PYHIN1: variants seen among roughly 807,000 people sequenced by gnomAD.
The protein encoded by PYHIN1 is pyrin and HIN domain family member 1, also known as pyrin and HIN domain-containing protein 1.
In PYHIN1, 32 loss-of-function variants were observed where a neutral mutation model predicts 43.7. The ratio of observed to expected loss-of-function variants is 0.73; its 90% CI spans 0.55 to 0.98. The LOEUF (loss-of-function observed/expected upper bound fraction) is 0.98, where lower values mean the gene tolerates loss of function less well. PYHIN1 is among the 50% of genes least tolerant of loss of function. The pLI, the probability that PYHIN1 is intolerant of heterozygous loss-of-function variation, is 0.00. For synonymous variants in PYHIN1, 205 were observed against 203.1 expected (o/e 1.01, Z -0.08); for missense variants, 588 against 589.5 (o/e 1.00, Z 0.03).
chr1:158,937,286 T>G (rs576598147), intron 2 of PYHIN1, 111 bp downstream of exon 2: 23 of 1,198,582 alleles, frequency 1.9e-5, no homozygotes, highest in African/African-American at 1.8e-4. Flanking sequence ...AATTTGTGAC[T>G]CACTGGCCAT....
intron 7 of PYHIN1, among the ~76,000 whole-genome samples, chr1:158,969,325 T>C (rs1160598415): frequency 1.3e-5 from 2 of 151,978 alleles, no homozygotes; most frequent in African/African-American, 2.4e-5. Flanking sequence ...TTAAGGCCTA[T>C]GAATCAGATG....
At position 158,976,915 on chromosome 1, in the gene PYHIN1, T is replaced by TATATATAC. The variant is rs1289638954; in HGVS notation, c.*221_*222insTATATACA. 14 of 214,996 alleles carry TATATATAC rather than the reference T, an allele frequency of 6.5e-5. No individual in the cohort carries two copies. Among genetic ancestry groups the TATATATAC allele is most frequent in the African/African-American group, 3.9e-4 (14 of 35,496 alleles). The allele number at this position is 214,996 out of a possible 1,614,324, so 13.3% of individuals were successfully genotyped here. A position where few individuals can be genotyped will look rare whatever the true frequency, so the allele number is the denominator to read the frequency against. On this transcript the variant is annotated 3_prime_UTR_variant, in exon 9 of 9. Transcript: ENST00000368140. ...ATATATATATATATATATATATATA[T>TATATATAC]ACCAGCTATTAATTCTAGGAAATGG...
chr1:158,937,322 A>G, intron 2 of PYHIN1, 147 bp downstream of exon 2: 4 of 816,980 alleles, frequency 4.9e-6, no homozygotes, highest in Non-Finnish European at 7.5e-6. Flanking sequence ...TCAGATGCCA[A>G]CAAGTTGACA....
chr1:158,957,857 C>T (rs1407525958), intron 7 of PYHIN1, among the ~76,000 whole-genome samples: 2 of 149,542 alleles, frequency 1.3e-5, no homozygotes, highest in African/African-American at 4.9e-5. Flanking sequence ...ACCTACTCAT[C>T]TGACAAAGGG....
At chr1:158,950,775 G>A (rs190247629) in intron 7 of PYHIN1, among the ~76,000 whole-genome samples, 8 of 152,108 alleles carry the variant, frequency 5.3e-5, no homozygotes, top group African/African-American at 1.2e-4. Flanking sequence ...GAGTCGGCAC[G>A]TTCTACCATG....
chr1:158,959,996 A>G (rs764882642), intron 7 of PYHIN1, among the ~76,000 whole-genome samples: 6 of 152,144 alleles, frequency 3.9e-5, no homozygotes, highest in Non-Finnish European at 5.9e-5. Context: ...TTAAATCACT[A>G]TTTTTACATT....
chr1:158,984,028 G>GTTT, the PYHIN1 span, among the ~76,000 whole-genome samples: 1,275 of 111,158 alleles, frequency 0.011, 36 homozygotes, highest in African/African-American at 0.032. Context: ...ATCTTCTCCT[G>GTTT]TTTTTTTTTT....
chr1:158,971,797 G>A (rs1397060793), intron 7 of PYHIN1, among the ~76,000 whole-genome samples: 1 of 151,890 alleles, frequency 6.6e-6, no homozygotes, highest in Non-Finnish European at 1.5e-5. Flanking sequence ...TAGCCTAGAT[G>A]AGTTTTCACC....
rs1649086255 is a variant in PYHIN1, at chr1:158,944,129, G to C, written c.1191+151G>C. 1.1e-5 allele frequency: 5 copies of C among 451,180 alleles called. No homozygotes were observed. In the East Asian group the frequency reaches 1.6e-4, roughly 15 times the overall value. 27.9% of individuals were successfully genotyped at this position (451,180 alleles called of 1,614,324 possible). ...GCCCTTGCGCTTACATTTAAATAGA[G>C]AAAATTATTAAAATATATTAAGAGA... On this transcript the variant is annotated intron_variant, in intron 6 of 8. Transcript: ENST00000368140.
chr1:158,978,924 T>C (rs185063804), downstream of PYHIN1, among the ~76,000 whole-genome samples: 131 of 152,278 alleles, frequency 8.6e-4, no homozygotes, highest in Non-Finnish European at 1.5e-3. Flanking sequence ...CTTTGAAATG[T>C]GTGAACCAAA....
the PYHIN1 span, among the ~76,000 whole-genome samples, chr1:158,989,239 T>C: frequency 0.041 from 6,255 of 152,194 alleles, 348 homozygotes; most frequent in East Asian, 0.26. Context: ...TGATATTTAG[T>C]TGAGATTTTG....
In PYHIN1 at chr1:158,976,690, T is replaced by C; in HGVS notation, c.*6-11T>C. Reference sequence around the variant, plus strand: ...CTCAACGGGTTTATTTTTATCTCTTTATGCTTCAAGGTCACCAAGGACAAG... The same window carrying C: ...CTCAACGGGTTTATTTTTATCTCTTCATGCTTCAAGGTCACCAAGGACAAG... On this transcript the variant is annotated splice_polypyrimidine_tract_variant and intron_variant, in intron 8 of 8. Coordinates refer to ENST00000368140, the MANE Select transcript of PYHIN1 (RefSeq NM_152501.5). 7 of 1,586,388 alleles carry C rather than the reference T, an allele frequency of 4.4e-6. No individual in the cohort carries two copies. The highest frequency in any genetic ancestry group is 6.0e-6 in the Non-Finnish European group (7 of 1,164,884).
In PYHIN1 at chr1:158,936,643, A is replaced by G. The variant is rs1648559434; in HGVS notation, c.-20-248A>G. 2.0e-5 allele frequency among the ~76,000 whole-genome samples: 3 copies of G among 152,312 alleles called. No individual in the cohort carries two copies. The South Asian group carries it at 6.2e-4, about 32-fold the overall frequency. ...CAGAAAAGGCCTTTGACAAAATTCA[A>G]CAACCCTTCATGCTAAAAACTCTCA... On this transcript the variant is annotated intron_variant, in intron 1 of 8. Transcript: ENST00000368140.
intron 7 of PYHIN1, among the ~76,000 whole-genome samples, chr1:158,972,343 G>A (rs950025391): frequency 1.3e-5 from 2 of 151,908 alleles, no homozygotes; most frequent in East Asian, 3.9e-4. Context: ...TCTTGACAGA[G>A]CTTTTCAATC....
At chr1:158,977,073 T>C (rs1433766095), downstream of PYHIN1, 3 of 153,682 alleles carry the variant, frequency 2.0e-5, no homozygotes, top group African/African-American at 7.3e-5. Flanking sequence ...CCATAGGAGT[T>C]TCTTTAATCT....
chr1:158,974,642 C>T (rs1365538637), intron 8 of PYHIN1, among the ~76,000 whole-genome samples: 2 of 152,040 alleles, frequency 1.3e-5, no homozygotes, highest in Non-Finnish European at 2.9e-5. Flanking sequence ...TGTCACCATA[C>T]AGACTAGTTG....
In PYHIN1 at chr1:158,943,810, G is replaced by T; in HGVS notation, c.1023G>T (p.Thr341=). ...MLHTKIVNRK[T]TIYEIQDKTG... ...TGCAGAAAATTGTAAATAGGAAGAC[G>T]ACAATCTATGAAATTCAGGATAAAA... The change falls in exon 6 of 9, where the codon ACG becomes ACT. Residue 341 remains threonine (T), a synonymous_variant. Transcript: ENST00000368140. 2 of 1,599,650 alleles carry T rather than the reference G, an allele frequency of 1.3e-6. No individual in the cohort carries two copies. Among genetic ancestry groups the T allele is most frequent in the South Asian group, 2.2e-5 (2 of 88,924 alleles).
chr1:158,952,653 C>G (rs1019112359), intron 7 of PYHIN1, among the ~76,000 whole-genome samples: 8 of 152,166 alleles, frequency 5.3e-5, no homozygotes, highest in Non-Finnish European at 8.8e-5. Flanking sequence ...TGCAATGAAC[C>G]AGAGCCGCTC....
rs376142134 is a variant in PYHIN1, at chr1:158,943,869, G to T, written c.1082G>T (p.Cys361Phe). 6.2e-7 allele frequency: 1 copy of T among 1,610,602 alleles called. No individual in the cohort carries two copies. Among genetic ancestry groups the T allele is most frequent in the Non-Finnish European group, 8.5e-7 (1 of 1,177,456 alleles). Residue 361 changes from cysteine to phenylalanine, a missense_variant, in exon 6 of 9, where the codon TGC becomes TTC. By Grantham distance (205) the Cys-to-Phe change is radical (BLOSUM62 -2). Coordinates refer to ENST00000368140, the MANE Select transcript of PYHIN1 (RefSeq NM_152501.5). ...GSMAVVGKGE[C>F]HNIPCEKGDK... ...ATGGCTGTAGTAGGAAAAGGAGAAT[G>T]CCACAATATCCCCTGTGAAAAAGGA...
Sources: gnomAD v4.1 joint callset for allele counts (sites outside exome capture counted in the v4.1 genomes callset) on GRCh38, gnomAD v4.1.1 for gene constraint, MANE v1.5 for transcripts, NCBI Gene and HGNC (gene_info 2026-07-23, HGNC 2026-07-21) for gene names.